Variants in ATP8A2 observed in about 807,000 individuals in gnomAD.
The protein encoded by ATP8A2 is phospholipid-transporting ATPase IB.
ATP8A2 carries 100 observed loss-of-function variants against 165.6 expected under a neutral mutation model. The observed-to-expected ratio is 0.60, with a 90% confidence interval of 0.51 to 0.71. ATP8A2 has a LOEUF of 0.71. Among genes scored for constraint, ATP8A2 ranks in the 30% least tolerant of loss-of-function variants. The pLI is 0.00. For missense variants in ATP8A2, 1,227 were observed against 1,479.5 expected (o/e 0.83, Z 2.80); for synonymous variants, 543 against 548.8 (o/e 0.99, Z 0.15).
At chr13:25,968,425 T>G (rs1217752886) in intron 34 of ATP8A2, 150 bp from the exon 35 acceptor site, 3 of 663,056 alleles carry the variant, frequency 4.5e-6, no homozygotes, top group Non-Finnish European at 8.1e-6. Flanking sequence ...ACCTGGGTCA[T>G]GCATGGAGAC....
At chr13:25,385,984 C>T (rs1007781329) in intron 1 of ATP8A2, among the ~76,000 whole-genome samples, 4 of 151,114 alleles carry the variant, frequency 2.6e-5, no homozygotes, top group Non-Finnish European at 5.9e-5. Flanking sequence ...TCGACCTTAG[C>T]GGTACACTGC....
At chr13:25,436,345 A>G (rs1205691638) in intron 1 of ATP8A2, among the ~76,000 whole-genome samples, 1 of 152,068 alleles carries the variant, frequency 6.6e-6, no homozygotes, top group African/African-American at 2.4e-5. Flanking sequence ...TCTCCCTTAC[A>G]AATGAGGAGG....
chr13:25,903,103 C>T (rs1420727169), intron 33 of ATP8A2, among the ~76,000 whole-genome samples: 2 of 151,924 alleles, frequency 1.3e-5, no homozygotes, highest in African/African-American at 2.4e-5. Context: ...GCAAGAAGAA[C>T]GAAACTCCGT....
chr13:25,490,897 A>T (rs2036510675), intron 2 of ATP8A2, among the ~76,000 whole-genome samples: 1 of 151,892 alleles, frequency 6.6e-6, no homozygotes, highest in South Asian at 2.1e-4. Context: ...ACACGTCACC[A>T]TGCGTGACTA....
chr13:25,737,202 T>C (rs908064474), intron 25 of ATP8A2, among the ~76,000 whole-genome samples: 1 of 152,218 alleles, frequency 6.6e-6, no homozygotes, highest in Non-Finnish European at 1.5e-5. Context: ...TTTACTTCAC[T>C]TTTAAATATG....
intron 24 of ATP8A2, among the ~76,000 whole-genome samples, chr13:25,592,888 T>C (rs1270509572): frequency 6.6e-6 from 1 of 152,226 alleles, no homozygotes; most frequent in East Asian, 1.9e-4. Flanking sequence ...TGATTCTTTC[T>C]TAACTAATTT....
At chr13:25,661,278 G>C (rs76758648) in intron 24 of ATP8A2, among the ~76,000 whole-genome samples, 1 of 152,080 alleles carries the variant, frequency 6.6e-6, no homozygotes, top group Non-Finnish European at 1.5e-5. Context: ...TGCCACTGCC[G>C]AGGCTACCCC....
At chr13:25,555,116 G>T in intron 13 of ATP8A2, 48 bp downstream of exon 13, 1 of 1,322,322 alleles carries the variant, frequency 7.6e-7, no homozygotes. Flanking sequence ...GAGCATGAGG[G>T]AAAATGAGTG....
chr13:25,874,720 T>C lies in ATP8A2; in HGVS notation c.3183+12312T>C, dbSNP rs371437254. ...TTTGGTTACCCCACTTCTGGGTATA[T>C]ACCCAAAAGGATTGAAAACAGGGCC... On this transcript the variant is annotated intron_variant, in intron 33 of 36. Transcript: ENST00000381655. Among the ~76,000 whole-genome samples, 20 of 152,282 alleles carry C rather than the reference T, an allele frequency of 1.3e-4. 1 individual carries two copies. In the South Asian group the frequency reaches 3.7e-3, roughly 28 times the overall value.
chr13:25,432,797 T>G (rs2034651618), intron 1 of ATP8A2, among the ~76,000 whole-genome samples: 1 of 152,140 alleles, frequency 6.6e-6, no homozygotes, highest in Non-Finnish European at 1.5e-5. Context: ...TGTTCTCAAG[T>G]GGTAGATGTT....
chr13:25,732,496 A>C (rs1395079741), intron 25 of ATP8A2, among the ~76,000 whole-genome samples: 1 of 152,226 alleles, frequency 6.6e-6, no homozygotes, highest in Non-Finnish European at 1.5e-5. Flanking sequence ...AAATAAATGA[A>C]ACATCTCCTG....
At chr13:25,548,180 C>T (rs2038711644) in intron 10 of ATP8A2, among the ~76,000 whole-genome samples, 1 of 152,170 alleles carries the variant, frequency 6.6e-6, no homozygotes, top group South Asian at 2.1e-4. Context: ...GATCCATGAT[C>T]ACGCCACTGC....
chr13:25,779,877 C>T (rs1275451248), intron 27 of ATP8A2, among the ~76,000 whole-genome samples: 2 of 152,114 alleles, frequency 1.3e-5, no homozygotes, highest in Non-Finnish European at 2.9e-5. Context: ...CTTGACTGAC[C>T]TCTGTGTGGT....
chr13:25,392,920 A>AC (rs2033297723), intron 1 of ATP8A2, among the ~76,000 whole-genome samples: 1 of 151,432 alleles, frequency 6.6e-6, no homozygotes, highest in Non-Finnish European at 1.5e-5. Context: ...TACAAAAAAA[A>AC]AACAAAAAAG....
intron 27 of ATP8A2, among the ~76,000 whole-genome samples, 199 bp from the exon 28 acceptor site, chr13:25,827,919 T>C (rs1220105105): frequency 6.6e-6 from 1 of 152,246 alleles, no homozygotes; most frequent in Non-Finnish European, 1.5e-5. Flanking sequence ...GCCTTAAATA[T>C]AAATTTTCCT....
intron 25 of ATP8A2, among the ~76,000 whole-genome samples, chr13:25,710,230 T>C (rs724137): frequency 0.73 from 111,505 of 152,066 alleles, 41,327 homozygotes; most frequent in African/African-American, 0.79. Context: ...GTAATTGGGG[T>C]GTTATCACCT....
chr13:25,554,970 C>T (rs1175323820), intron 12 of ATP8A2, 21 bp from the exon 13 acceptor site: 1 of 1,494,524 alleles, frequency 6.7e-7, no homozygotes. Flanking sequence ...GAAATCCTGT[C>T]TCTTGTTCTC....
chr13:25,911,326 C>T (rs1157708821), intron 33 of ATP8A2, among the ~76,000 whole-genome samples: 1 of 152,006 alleles, frequency 6.6e-6, no homozygotes, highest in Non-Finnish European at 1.5e-5. Flanking sequence ...GATAATTGAC[C>T]CTCAGCAGCT....
chr13:25,849,306 A>C (rs1951950399), intron 30 of ATP8A2, among the ~76,000 whole-genome samples: 2 of 152,184 alleles, frequency 1.3e-5, no homozygotes, highest in Admixed American at 1.3e-4. Flanking sequence ...ATCTGTTTTC[A>C]TGATTGTTAA....
Sources: gnomAD v4.1 joint callset for allele counts (sites outside exome capture counted in the v4.1 genomes callset) on GRCh38, gnomAD v4.1.1 for gene constraint, MANE v1.5 for transcripts, NCBI Gene and HGNC (gene_info 2026-07-23, HGNC 2026-07-21) for gene names.